UNC80: variants seen among roughly 807,000 people sequenced by gnomAD.
UNC80 encodes unc-80 subunit of NALCN channel complex, also known as protein unc-80 homolog.
A neutral mutation model predicts 384.6 loss-of-function variants in UNC80; 164 were observed. The observed-to-expected ratio is 0.43, with a 90% CI of 0.38 to 0.49. The LOEUF (loss-of-function observed/expected upper bound fraction) is 0.49, where lower values mean the gene tolerates loss of function less well. Among genes scored for constraint, UNC80 ranks in the 20% least tolerant of loss-of-function variants. The pLI, the probability that UNC80 is intolerant of heterozygous loss-of-function variation, is 0.00. For missense variants in UNC80, 3,330 were observed against 4,143.0 expected, an observed-to-expected ratio of 0.80 and a Z score of 5.39; for synonymous variants, 1,486 against 1,527.8, an observed-to-expected ratio of 0.97 and a Z score of 0.64.
At chr2:209,884,580 A>T (rs1208605444) in intron 25 of UNC80, among the ~76,000 whole-genome samples, 1 of 152,244 alleles carries the variant, frequency 6.6e-6, no homozygotes, top group Non-Finnish European at 1.5e-5. Context: ...TGATTTTATC[A>T]TAAAGATACA....
intron 64 of UNC80, 140 bp downstream of exon 64, chr2:209,994,404 T>C (rs2093447948): frequency 1.4e-6 from 1 of 716,282 alleles, no homozygotes; most frequent in Admixed American, 3.6e-5. Flanking sequence ...GCTCCTGCCA[T>C]CATGAAAGAG....
At chr2:209,831,084 T>A (rs571367011) in intron 15 of UNC80, among the ~76,000 whole-genome samples, 1 of 152,240 alleles carries the variant, frequency 6.6e-6, no homozygotes, top group African/African-American at 2.4e-5. Context: ...TGAGGGGTTA[T>A]TTAGGAGCTT....
rs1205526644 is a variant in UNC80 at position 209,872,115 on chromosome 2, C to T, written c.3628-643C>T. 1.3e-5 allele frequency among the ~76,000 whole-genome samples: 2 copies of T among 152,116 alleles called. No individual in the cohort carries two copies. Among genetic ancestry groups the T allele is most frequent in the Non-Finnish European group, 2.9e-5 (2 of 68,028 alleles). ...CCTCCCAGGTTCAAGCCTCAGCCTC[C>T]TGAGTAGCTGGGACTACAAGCACGC... On this transcript the variant is annotated intron_variant, in intron 22 of 64. Coordinates refer to ENST00000673920, the MANE Select transcript of UNC80 (RefSeq NM_001371986.1). The surrounding 1 kb of genome is among the most constrained non-coding windows in gnomAD (Gnocchi z 4.1).
Position 209,793,722 on chromosome 2 carries a change from A to G in UNC80, c.801A>G (p.Gly267=). 1 of 1,613,592 alleles carries G rather than the reference A, an allele frequency of 6.2e-7. No homozygotes were observed. The highest frequency in any genetic ancestry group is 8.5e-7 in the Non-Finnish European group (1 of 1,179,684). The change falls in exon 7 of 65, where the codon GGA becomes GGG. Residue 267 remains glycine, a splice_region_variant and synonymous_variant. Coordinates refer to ENST00000673920, the MANE Select transcript of UNC80 (RefSeq NM_001371986.1). ...SPNQDARHLE[G]LQVVCETFQS... ...TCTGCTATCTCTGCCTCCAAAAGGG[A>G]CTCCAGGTGGTTTGTGAAACATTCC...
At chr2:209,941,827 A>T (rs2091652529) in intron 44 of UNC80, among the ~76,000 whole-genome samples, 5 of 152,302 alleles carry the variant, frequency 3.3e-5, no homozygotes, top group Admixed American at 1.3e-4. Context: ...TAATGCCAGC[A>T]CTTTGGGAGG....
At chr2:209,975,184 C>A (rs2092981897) in intron 56 of UNC80, among the ~76,000 whole-genome samples, 1 of 152,166 alleles carries the variant, frequency 6.6e-6, no homozygotes, top group Admixed American at 6.5e-5. Context: ...TTTTCCTAAT[C>A]AGAATCAAAA....
At chr2:209,845,769 T>A (rs986744317) in intron 21 of UNC80, among the ~76,000 whole-genome samples, 3 of 152,176 alleles carry the variant, frequency 2.0e-5, no homozygotes, top group African/African-American at 7.2e-5. Context: ...AAAAAGATAT[T>A]CCTTTGGAAT....
chr2:209,772,201 G>A lies in UNC80; in HGVS notation c.92+37G>A, dbSNP rs773553159. The A allele has an allele frequency of 5.8e-5, 82 of 1,403,556 alleles. 1 individual carries two copies. In the South Asian group the frequency reaches 1.2e-3, roughly 20 times the overall value. 86.9% of individuals were successfully genotyped at this position (1,403,556 alleles called of 1,614,324 possible). On this transcript the variant is annotated intron_variant, in intron 1 of 64. Transcript: ENST00000673920. Reference sequence around the variant, plus strand: ...AGAGGGCGCACCGCGGGCCGCCCTGGGCTGGGGGCGCTCCTGGGGCCGCCC... The same window carrying A: ...AGAGGGCGCACCGCGGGCCGCCCTGAGCTGGGGGCGCTCCTGGGGCCGCCC...
At chr2:209,948,603 T>C (rs1200006717) in intron 47 of UNC80, among the ~76,000 whole-genome samples, 1 of 152,144 alleles carries the variant, frequency 6.6e-6, no homozygotes, top group Non-Finnish European at 1.5e-5. Context: ...ATCATGAGAG[T>C]TGTATTTTAT....
intron 58 of UNC80, 26 bp downstream of exon 58, chr2:209,977,104 A>G: frequency 6.8e-7 from 1 of 1,462,350 alleles, no homozygotes. Context: ...AGTGTTGTGA[A>G]TTTGTTTGAC....
chr2:209,785,645 A>T (rs1043554137), intron 4 of UNC80, among the ~76,000 whole-genome samples: 1 of 152,222 alleles, frequency 6.6e-6, no homozygotes, highest in African/African-American at 2.4e-5. Context: ...TAGAATGTCA[A>T]AATAGCCAGT....
intron 8 of UNC80, among the ~76,000 whole-genome samples, chr2:209,814,763 A>C (rs562734917): frequency 6.6e-6 from 1 of 152,232 alleles, no homozygotes; most frequent in African/African-American, 2.4e-5. Flanking sequence ...GTAGAGAAAA[A>C]TGTGACTTGT....
chr2:209,891,478 A>T (rs969427500), intron 26 of UNC80, among the ~76,000 whole-genome samples: 2 of 152,120 alleles, frequency 1.3e-5, no homozygotes, highest in African/African-American at 4.8e-5. Context: ...TATGCTAATT[A>T]TATTTAAGAT....
Position 209,913,796 on chromosome 2 carries a change from TC to T in UNC80, c.4891-3del. 6.5e-7 allele frequency: 1 copy of T among 1,540,320 alleles called. No homozygotes were observed. Among genetic ancestry groups the T allele is most frequent in the Non-Finnish European group, 8.8e-7 (1 of 1,138,846 alleles). ...ATTTTAAAACATGATTTCCATCTTT[TC>T]CCAGGTGATGAGCTTGTCGCCTGCT... On this transcript the variant is annotated splice_polypyrimidine_tract_variant and splice_region_variant and intron_variant, in intron 30 of 64. Coordinates refer to ENST00000673920, the MANE Select transcript of UNC80 (RefSeq NM_001371986.1).
intron 26 of UNC80, among the ~76,000 whole-genome samples, chr2:209,890,779 G>A (rs1377259470): frequency 6.6e-6 from 1 of 152,174 alleles, no homozygotes; most frequent in Non-Finnish European, 1.5e-5. Flanking sequence ...CTGGTGAATT[G>A]TAGGTACACA....
intron 30 of UNC80, among the ~76,000 whole-genome samples, chr2:209,912,935 TC>T (rs1199954923): frequency 6.6e-6 from 1 of 152,152 alleles, no homozygotes; most frequent in Non-Finnish European, 1.5e-5. Flanking sequence ...AGAGCTAACT[TC>T]CCACATGTGT....
chr2:209,886,564 T>C (rs1232834294), intron 25 of UNC80, among the ~76,000 whole-genome samples: 1 of 152,174 alleles, frequency 6.6e-6, no homozygotes, highest in African/African-American at 2.4e-5. Context: ...CCTCGAGGCT[T>C]ACTTTATTAT....
chr2:209,975,384 C>A (rs1410282752), intron 56 of UNC80, among the ~76,000 whole-genome samples: 1 of 152,136 alleles, frequency 6.6e-6, no homozygotes. Flanking sequence ...TTTGGGAAAT[C>A]TGCTTCCTGA....
intron 47 of UNC80, among the ~76,000 whole-genome samples, chr2:209,950,448 A>G (rs764773538): frequency 1.3e-5 from 2 of 151,772 alleles, no homozygotes; most frequent in Non-Finnish European, 2.9e-5. Context: ...GAGTTTATCA[A>G]TAGTTTTCCC....
Sources: allele counts gnomAD v4.1 joint callset (sites outside exome capture counted in the v4.1 genomes callset), GRCh38; gene constraint gnomAD v4.1.1; non-coding constraint Gnocchi (gnomAD v3.1); transcripts MANE v1.5; gene names NCBI Gene and HGNC (gene_info 2026-07-23, HGNC 2026-07-21).